DISP1: variants seen among roughly 807,000 people sequenced by gnomAD.
DISP1 encodes the protein dispatched RND transporter family member 1, also known as protein dispatched homolog 1.
Under a neutral mutation model 37.3 loss-of-function variants are expected in DISP1, and 30 were observed. The ratio of observed to expected loss-of-function variants is 0.80; its 90% CI spans 0.60 to 1.09. DISP1 has a LOEUF of 1.09. DISP1 is among the 50% of genes least tolerant of loss of function. The probability of loss-of-function intolerance (pLI) is 0.00; values close to 1 mark genes in which losing one functional copy is unlikely to be tolerated. For synonymous variants in DISP1, 634 were observed against 690.2 expected (o/e 0.92, Z 1.28); for missense variants, 1,598 against 1,879.5 (o/e 0.85, Z 2.77).
In DISP1 at chr1:223,004,479, G is replaced by T; in HGVS notation, c.3082G>T (p.Val1028Phe). Reference sequence around the variant, plus strand: ...GATATTTGTCACTGTTGGTTCTCTTGTCCTGCTGGGCTGGGAGCTCAATGT... The same window carrying T: ...GATATTTGTCACTGTTGGTTCTCTTTTCCTGCTGGGCTGGGAGCTCAATGT... ...GTIFVTVGSL[V>F]LLGWELNVLE... The change falls in exon 9 of 9, where the codon GTC becomes TTC. Residue 1028 changes from valine to phenylalanine, a missense_variant. Transcript: ENST00000675850. This position sits in a 1 kb window ranked among gnomAD's most constrained non-coding sequence, Gnocchi z 4.9. The T allele has an allele frequency of 1.9e-6, 3 of 1,614,188 alleles. No homozygotes were observed. The highest frequency in any genetic ancestry group is 1.7e-6 in the Non-Finnish European group (2 of 1,180,030).
rs1572751036 is a variant in DISP1 at position 223,004,144 on chromosome 1, T to C, written c.2747T>C (p.Ile916Thr). 6.2e-7 allele frequency: 1 copy of C among 1,614,152 alleles called. No individual in the cohort carries two copies. Residue 916 changes from isoleucine to threonine, a missense_variant, in exon 9 of 9, where the codon ATC becomes ACC. Coordinates refer to ENST00000675850, the MANE Select transcript of DISP1 (RefSeq NM_001377229.1). The surrounding 1 kb of genome is among the most constrained non-coding windows in gnomAD (Gnocchi z 4.9). ...AAAACCCCAGGGCCGAGGTTTGATA[T>C]CAATGATACTATCAGGGCAGTGGTG... Reference protein sequence around the residue: ...DSKTPGPRFDINDTIRAVVLE... With the variant: ...DSKTPGPRFDTNDTIRAVVLE...
At chr1:222,841,490 C>G (rs759197840) in intron 1 of DISP1, among the ~76,000 whole-genome samples, 31 of 152,166 alleles carry the variant, frequency 2.0e-4, no homozygotes, top group Non-Finnish European at 3.5e-4. Context: ...TTCTTGAACT[C>G]ATGTCTGGGT....
chr1:222,973,604 G>T (rs1677103686), intron 3 of DISP1, among the ~76,000 whole-genome samples: 1 of 152,150 alleles, frequency 6.6e-6, no homozygotes, highest in African/African-American at 2.4e-5. Context: ...GGTTATTTAA[G>T]AATCTTCTTA....
chr1:222,910,346 G>C (rs1262568119), intron 1 of DISP1, among the ~76,000 whole-genome samples: 1 of 152,094 alleles, frequency 6.6e-6, no homozygotes, highest in Non-Finnish European at 1.5e-5. Context: ...CTGGGGGTCG[G>C]AGTAAGACCC....
intron 4 of DISP1, among the ~76,000 whole-genome samples, chr1:222,985,006 T>C (rs980996113): frequency 1.3e-5 from 2 of 152,220 alleles, no homozygotes; most frequent in African/African-American, 4.8e-5. Context: ...TGTATGTATA[T>C]ACTACATTTT....
At chr1:222,955,883 C>T (rs1675559212) in intron 3 of DISP1, among the ~76,000 whole-genome samples, 1 of 152,140 alleles carries the variant, frequency 6.6e-6, no homozygotes, top group Non-Finnish European at 1.5e-5. Flanking sequence ...ACTCCAAGGC[C>T]AAATTTGATA....
At chr1:222,916,084 G>A (rs1462983680) in intron 1 of DISP1, among the ~76,000 whole-genome samples, 3 of 152,218 alleles carry the variant, frequency 2.0e-5, no homozygotes, top group African/African-American at 7.2e-5. Context: ...TGTCAAAAGT[G>A]TAATGATCCT....
At chr1:222,823,520 G>A (rs924946929) in intron 1 of DISP1, among the ~76,000 whole-genome samples, 1 of 152,158 alleles carries the variant, frequency 6.6e-6, no homozygotes, top group Non-Finnish European at 1.5e-5. Context: ...ATTAAAGACT[G>A]GAAAGGGTGG....
At chr1:222,936,318 G>A (rs908212232) in intron 2 of DISP1, among the ~76,000 whole-genome samples, 1 of 152,018 alleles carries the variant, frequency 6.6e-6, no homozygotes, top group Non-Finnish European at 1.5e-5. Context: ...TAGGTGATAT[G>A]TGATTGTCTC....
chr1:222,844,204 G>A (rs1180940815), intron 1 of DISP1, among the ~76,000 whole-genome samples: 1 of 152,068 alleles, frequency 6.6e-6, no homozygotes, highest in Non-Finnish European at 1.5e-5. Context: ...CCTTTGTGAT[G>A]TAAGACAGCA....
intron 1 of DISP1, among the ~76,000 whole-genome samples, chr1:222,831,200 C>T (rs888997292): frequency 5.9e-5 from 9 of 152,114 alleles, no homozygotes; most frequent in Non-Finnish European, 1.0e-4. Flanking sequence ...AAACTGGGTT[C>T]TGTCAACGTT....
chr1:223,003,231 A>C lies in DISP1; in HGVS notation c.1834A>C (p.Ser612Arg), dbSNP rs533562350. 6 of 1,614,236 alleles carry C rather than the reference A, an allele frequency of 3.7e-6. No homozygotes were observed. The East Asian group carries it at 1.1e-4, about 30-fold the overall frequency. The change falls in exon 9 of 9, where the codon AGT becomes CGT. Residue 612 changes from serine to arginine, a missense_variant. By Grantham distance (110) the Ser-to-Arg change is moderately radical. Coordinates refer to ENST00000675850, the MANE Select transcript of DISP1 (RefSeq NM_001377229.1). The surrounding 1 kb of genome is among the most constrained non-coding windows in gnomAD (Gnocchi z 4.3). ...CGCTGCCCTCTCCATGTTCGTCACC[A>C]GTTTTACCACTGCTGCTGCCTTTTA... is the stretch of plus-strand genomic sequence containing the variant. The part of the protein sequence containing the change: ...QHAALSMFVT[S>R]FTTAAAFYAN...
intron 1 of DISP1, among the ~76,000 whole-genome samples, chr1:222,891,265 T>C (rs771481467): frequency 3.3e-5 from 5 of 151,970 alleles, no homozygotes; most frequent in Non-Finnish European, 5.9e-5. Context: ...GTAGAATAGA[T>C]AGAGGGGACC....
intron 3 of DISP1, among the ~76,000 whole-genome samples, chr1:222,961,772 C>T (rs1676075313): frequency 6.6e-6 from 1 of 152,130 alleles, no homozygotes; most frequent in African/African-American, 2.4e-5. Context: ...CTTTGGGAGG[C>T]CGAGGCGGGT....
Position 223,003,515 on chromosome 1 carries a change from CG to C in DISP1, c.2119del (p.Glu707LysfsTer22). ...TTTCAGAAGCATCTCGAATTTTTTTCGAAAAAGTATTGCCATGCATTGTCAT... is the reference window on the plus strand; with the variant it reads ...TTTCAGAAGCATCTCGAATTTTTTTCAAAAAGTATTGCCATGCATTGTCAT... The part of the protein sequence containing the change: ...AISEASRIFF[E>X]KVLPCIVIKF... On this transcript the variant is annotated frameshift_variant, in exon 9 of 9. Transcript: ENST00000675850. LOFTEE classifies it low-confidence loss of function (END_TRUNC). The surrounding 1 kb of genome is among the most constrained non-coding windows in gnomAD (Gnocchi z 4.3). The C allele has an allele frequency of 1.2e-6, 2 of 1,613,976 alleles. No individual in the cohort carries two copies. The highest frequency in any genetic ancestry group is 1.7e-6 in the Non-Finnish European group (2 of 1,179,988).
intron 1 of DISP1, among the ~76,000 whole-genome samples, chr1:222,883,803 A>G (rs1670416503): frequency 6.6e-6 from 1 of 152,244 alleles, no homozygotes; most frequent in Non-Finnish European, 1.5e-5. Context: ...TTACAATTCT[A>G]TACTTAAAAC....
intron 3 of DISP1, among the ~76,000 whole-genome samples, chr1:222,953,558 CTT>C (rs1675384190): frequency 1.3e-5 from 2 of 152,098 alleles, no homozygotes; most frequent in Admixed American, 1.3e-4. Flanking sequence ...AGCCTTTATA[CTT>C]TATACTGATT....
intron 1 of DISP1, among the ~76,000 whole-genome samples, chr1:222,844,200 T>C (rs1667769938): frequency 6.6e-6 from 1 of 152,134 alleles, no homozygotes; most frequent in South Asian, 2.1e-4. Context: ...TATTCCTTTG[T>C]GATGTAAGAC....
chr1:222,991,368 T>C lies in DISP1; in HGVS notation c.664-152T>C, dbSNP rs1473182566. 1.4e-5 allele frequency: 12 copies of C among 860,316 alleles called. No homozygotes were observed. In the Admixed American group the frequency reaches 2.2e-4, roughly 15 times the overall value. 53.3% of individuals were successfully genotyped at this position (860,316 alleles called of 1,614,324 possible). A position where few individuals can be genotyped will look rare whatever the true frequency, so the allele number is the denominator to read the frequency against. On this transcript the variant is annotated intron_variant, in intron 5 of 8. Coordinates refer to ENST00000675850, the MANE Select transcript of DISP1 (RefSeq NM_001377229.1). ...ATTATCATGTCAAGGCATCTTGTTT[T>C]AATGCAGTCACCTCTGGAGTAGCTG...
Sources: gnomAD v4.1 joint callset for allele counts (sites outside exome capture counted in the v4.1 genomes callset) on GRCh38, gnomAD v4.1.1 for gene constraint, Gnocchi (gnomAD v3.1) non-coding constraint, MANE v1.5 for transcripts, NCBI Gene and HGNC (gene_info 2026-07-23, HGNC 2026-07-21) for gene names.